The following SOS1 variants were observed in gnomAD, a reference collection of about 807,000 sequenced individuals.
SOS1 encodes son of sevenless homolog 1.
In SOS1, 25 loss-of-function variants were observed where a neutral mutation model predicts 157.6. The ratio of observed to expected loss-of-function variants is 0.16; its 90% CI spans 0.12 to 0.22. The LOEUF (loss-of-function observed/expected upper bound fraction) is 0.22. Ranked by LOEUF, SOS1 falls within the 10% of genes least tolerant of loss-of-function variation. SOS1 has a pLI of 1.00. For synonymous variants in SOS1, 528 were observed against 534.0 expected, an observed-to-expected ratio of 0.99 and a Z score of 0.16; for missense variants, 1,237 against 1,599.1, an observed-to-expected ratio of 0.77 and a Z score of 3.86.
intron 10 of SOS1, among the ~76,000 whole-genome samples, chr2:39,022,170 C>T (rs1052551336): frequency 8.6e-5 from 13 of 151,284 alleles, no homozygotes; most frequent in Non-Finnish European, 1.5e-4. Flanking sequence ...ATTTGTACTA[C>T]CAGCACAATT....
intron 20 of SOS1, among the ~76,000 whole-genome samples, chr2:38,991,119 GCTC>G (rs1668719415): frequency 6.6e-6 from 1 of 151,030 alleles, no homozygotes; most frequent in Admixed American, 6.6e-5. Context: ...TTTTTTTTAA[GCTC>G]CTCAACAGAT....
chr2:39,007,841 G>A (rs761353747), intron 15 of SOS1, among the ~76,000 whole-genome samples: 4 of 151,726 alleles, frequency 2.6e-5, no homozygotes, highest in Non-Finnish European at 4.4e-5. Flanking sequence ...ACATGCACAC[G>A]CACACACACA....
upstream of SOS1, among the ~76,000 whole-genome samples, chr2:39,121,225 C>T (rs1292778510): frequency 6.6e-6 from 1 of 152,132 alleles, no homozygotes; most frequent in Non-Finnish European, 1.5e-5. Context: ...AAGTCGCACC[C>T]TGGCAAAGTG....
At chr2:39,052,753 A>G (rs1671064540) in intron 5 of SOS1, among the ~76,000 whole-genome samples, 3 of 152,228 alleles carry the variant, frequency 2.0e-5, no homozygotes, top group Admixed American at 2.0e-4. Flanking sequence ...CGCTATGAAC[A>G]TTCATGAACC....
chr2:39,013,601 A>T, intron 12 of SOS1, 38 bp from the exon 13 acceptor site: 1 of 1,296,726 alleles, frequency 7.7e-7, no homozygotes, highest in Non-Finnish European at 1.1e-6. Flanking sequence ...CATGGGAATC[A>T]AACATAAATG....
chr2:39,086,289 T>C (rs1312246779), intron 1 of SOS1, among the ~76,000 whole-genome samples: 1 of 151,906 alleles, frequency 6.6e-6, no homozygotes, highest in Non-Finnish European at 1.5e-5. Flanking sequence ...TATATACAAG[T>C]GAAGGGAAGA....
intron 2 of SOS1, among the ~76,000 whole-genome samples, chr2:39,063,378 C>T (rs1181685390): frequency 1.3e-5 from 2 of 152,144 alleles, no homozygotes; most frequent in Non-Finnish European, 2.9e-5. Context: ...AAATACTATG[C>T]CATTTAATAT....
chr2:38,989,382 T>G, intron 20 of SOS1, 68 bp from the exon 21 acceptor site: 1 of 960,192 alleles, frequency 1.0e-6, no homozygotes, highest in Non-Finnish European at 1.7e-6. Flanking sequence ...TCTGCAAAAA[T>G]TTGTATTATG....
In SOS1 at chr2:39,023,244, CATT is replaced by C. The variant is rs1553356212; in HGVS notation, c.1203-22_1203-20del. 2 of 1,594,362 alleles carry C rather than the reference CATT, an allele frequency of 1.3e-6. No individual in the cohort carries two copies. The highest frequency in any genetic ancestry group is 1.7e-6 in the Non-Finnish European group (2 of 1,163,370). Reference sequence around the variant, plus strand: ...AGATTCACTGGAATAAAGAAAAAGACATTATTAGTACATAGATGACAGAAAACC... The same window carrying C: ...AGATTCACTGGAATAAAGAAAAAGACATTAGTACATAGATGACAGAAAACC... On this transcript the variant is annotated intron_variant, in intron 9 of 22. Coordinates refer to ENST00000402219, the MANE Select transcript of SOS1 (RefSeq NM_005633.4).
At chr2:39,048,379 T>C (rs972242272) in intron 6 of SOS1, among the ~76,000 whole-genome samples, 1 of 152,118 alleles carries the variant, frequency 6.6e-6, no homozygotes, top group Non-Finnish European at 1.5e-5. Flanking sequence ...CAAAATATTT[T>C]GTCTTAACAG....
chr2:39,013,916 C>T lies in SOS1; in HGVS notation c.2014G>A (p.Ala672Thr). ...TCTTTTCTAAATCTTTTCAGTTCTG[C>T]ACTCAAGGGTTGATCTCCATTCTCT... Reference protein sequence around the residue: ...AIENGDQPLSAELKRFRKEYI... With the variant: ...AIENGDQPLSTELKRFRKEYI... The change falls in exon 12 of 23, where the codon GCA becomes ACA. Residue 672 changes from alanine (A) to threonine (T), a missense_variant. By Grantham distance (58) the Ala-to-Thr change is moderately conservative. Coordinates refer to ENST00000402219, the MANE Select transcript of SOS1 (RefSeq NM_005633.4). 2 of 1,607,542 alleles carry T rather than the reference C, an allele frequency of 1.2e-6. No individual in the cohort carries two copies. Among genetic ancestry groups the T allele is most frequent in the South Asian group, 2.2e-5 (2 of 90,970 alleles).
intron 1 of SOS1, among the ~76,000 whole-genome samples, chr2:39,102,888 G>A (rs984576232): frequency 6.6e-6 from 1 of 152,092 alleles, no homozygotes; most frequent in Non-Finnish European, 1.5e-5. Context: ...CCAGGAAGTT[G>A]AGGCTACAGT....
rs7580333 is a variant in SOS1, at chr2:39,012,925, G to A, written c.2167+535C>T. 4.3e-3 allele frequency among the ~76,000 whole-genome samples: 662 copies of A among 152,184 alleles called. 2 individuals carry two copies. The highest frequency in any genetic ancestry group is 0.015 in the African/African-American group (635 of 41,516). ...TAAGTTTGTCTAAGATATCCTTAGA[G>A]CCATACACTCACGTAATCTTTAAAA... On this transcript the variant is annotated intron_variant, in intron 13 of 22. Transcript: ENST00000402219.
chr2:39,006,449 T>A lies in SOS1; in HGVS notation c.2754A>T (p.Lys918Asn). The change falls in exon 17 of 23, where the codon AAA becomes AAT. Residue 918 changes from lysine to asparagine, a missense_variant. Transcript: ENST00000402219. ...CACATGGTGGATTAATAGACCTGAG[T>A]TTTGCCAAATATTTCTTATAGTGAT... is the stretch of plus-strand genomic sequence containing the variant. ...SEDHYKKYLA[K>N]LRSINPPCVP... 6.2e-7 allele frequency: 1 copy of A among 1,600,438 alleles called. No homozygotes were observed. Among genetic ancestry groups the A allele is most frequent in the Non-Finnish European group, 8.6e-7 (1 of 1,167,878 alleles).
At chr2:39,109,950 A>G (rs1015458194) in intron 1 of SOS1, among the ~76,000 whole-genome samples, 6 of 152,190 alleles carry the variant, frequency 3.9e-5, no homozygotes, top group African/African-American at 4.8e-5. Context: ...AAAACTTACT[A>G]TAAGTAGAGA....
At position 39,094,250 on chromosome 2, in the gene SOS1, T is replaced by C. The variant is rs187843097; in HGVS notation, c.87+26086A>G. Among the ~76,000 whole-genome samples, 92 of 152,332 alleles carry C rather than the reference T, an allele frequency of 6.0e-4. 1 individual carries two copies. The highest frequency in any genetic ancestry group is 2.2e-4 in the Non-Finnish European group (15 of 68,040). ...TTGTTAAAATGTAATGGGTTCATTA[T>C]TTTTAAATAAATCAGTAATTATTGA... On this transcript the variant is annotated intron_variant, in intron 1 of 22. Coordinates refer to ENST00000402219, the MANE Select transcript of SOS1 (RefSeq NM_005633.4).
intron 1 of SOS1, among the ~76,000 whole-genome samples, chr2:39,070,717 T>G (rs76522256): frequency 5.9e-5 from 9 of 152,328 alleles, no homozygotes; most frequent in African/African-American, 1.9e-4. Context: ...TTCACTTAGA[T>G]GTAGTCCTAG....
intron 6 of SOS1, among the ~76,000 whole-genome samples, chr2:39,039,214 C>CA (rs1347125270): frequency 2.0e-5 from 3 of 152,022 alleles, no homozygotes; most frequent in African/African-American, 7.2e-5. Flanking sequence ...CACTGTAAGC[C>CA]AAAAAAATAG....
chr2:38,997,017 G>T lies in SOS1; in HGVS notation c.2986C>A (p.Pro996Thr). The T allele has an allele frequency of 1.3e-6, 2 of 1,590,716 alleles. No homozygotes were observed. Among genetic ancestry groups the T allele is most frequent in the African/African-American group, 1.3e-5 (1 of 74,480 alleles). Residue 996 changes from proline to threonine, a missense_variant, in exon 19 of 23, where the codon CCG becomes ACG. This residue lies in a region of SOS1 where 34 missense variants were observed against 28.1 expected (regional missense o/e 1.21). Transcript: ENST00000402219. ...TCCTTCTCCATGCTATTTCCCATCGGATTCAAGTTTTCAAAGAACCTCTAA... is the reference window on the plus strand; with the variant it reads ...TCCTTCTCCATGCTATTTCCCATCGTATTCAAGTTTTCAAAGAACCTCTAA... Reference protein sequence around the residue: ...DIKRFFENLNPMGNSMEKEFT... With the variant: ...DIKRFFENLNTMGNSMEKEFT...
Sources: allele counts gnomAD v4.1 joint callset (sites outside exome capture counted in the v4.1 genomes callset), GRCh38; gene constraint gnomAD v4.1.1; regional missense constraint gnomAD v4.1.1; transcripts MANE v1.5; gene names NCBI Gene and HGNC (gene_info 2026-07-23, HGNC 2026-07-21).